Variants in CTNNA3 observed in about 807,000 individuals in gnomAD.
The protein encoded by CTNNA3 is catenin alpha-3.
CTNNA3 carries 76 observed loss-of-function variants against 95.7 expected under a neutral mutation model. That is an observed-to-expected ratio of 0.79 (90% CI 0.66 to 0.96). The LOEUF (loss-of-function observed/expected upper bound fraction) is 0.96, where lower values mean the gene tolerates loss of function less well. CTNNA3 is among the 40% of genes least tolerant of loss of function. The probability of loss-of-function intolerance (pLI) is 0.00; values close to 1 mark genes in which losing one functional copy is unlikely to be tolerated. For synonymous variants in CTNNA3, 431 were observed against 374.4 expected, an observed-to-expected ratio of 1.15 and a Z score of -1.74; for missense variants, 1,191 against 1,089.8, an observed-to-expected ratio of 1.09 and a Z score of -1.31.
intron 1 of CTNNA3, among the ~76,000 whole-genome samples, chr10:67,693,039 G>A (rs777660447): frequency 6.6e-6 from 1 of 152,190 alleles, no homozygotes; most frequent in Non-Finnish European, 1.5e-5. Flanking sequence ...GAGGTGGGGA[G>A]GGTGCCAAAT....
chr10:67,577,481 G>A (rs1273203386), intron 3 of CTNNA3, among the ~76,000 whole-genome samples: 1 of 152,062 alleles, frequency 6.6e-6, no homozygotes, highest in Non-Finnish European at 1.5e-5. Flanking sequence ...TAGGTTGCCT[G>A]TTCACTCTGA....
intron 12 of CTNNA3, among the ~76,000 whole-genome samples, chr10:66,361,577 T>G (rs895335647): frequency 6.6e-6 from 1 of 151,058 alleles, no homozygotes; most frequent in African/African-American, 2.4e-5. Flanking sequence ...TTGTTCTGTC[T>G]CCCTGGCTGG....
chr10:66,120,045 C>T lies in CTNNA3; in HGVS notation c.1885-16796G>A, dbSNP rs143790400. Among the ~76,000 whole-genome samples the T allele has an allele frequency of 2.1e-3, 326 of 152,242 alleles. 1 individual carries two copies. The highest frequency in any genetic ancestry group is 3.5e-3 in the Non-Finnish European group (236 of 67,994). The stretch of plus-strand genomic sequence containing the variant: ...CTATGTAAGGCACACTTTTCATTCT[C>T]GTGTGAAACTAGTTTTATAACTCAG... On this transcript the variant is annotated intron_variant, in intron 13 of 17. Transcript: ENST00000433211.
intron 3 of CTNNA3, among the ~76,000 whole-genome samples, chr10:67,551,642 T>A (rs1187022844): frequency 6.6e-6 from 1 of 152,208 alleles, no homozygotes; most frequent in Non-Finnish European, 1.5e-5. Flanking sequence ...CTAGACACTG[T>A]TGTGGGGTTG....
rs966329198 is a variant in CTNNA3 at position 66,939,217 on chromosome 10, C to A, written c.1048-163693G>T. ...TGATCATGCAGAAGGCATGTTAGAT[C>A]ATACAGAACTGAAGCATCTTCCCTT... On this transcript the variant is annotated intron_variant, in intron 7 of 17. Coordinates refer to ENST00000433211, the MANE Select transcript of CTNNA3 (RefSeq NM_013266.4). Among the ~76,000 whole-genome samples, 20 of 152,178 alleles carry A rather than the reference C, an allele frequency of 1.3e-4. 1 individual carries two copies. The highest frequency in any genetic ancestry group is 1.5e-5 in the Non-Finnish European group (1 of 68,018).
intron 8 of CTNNA3, among the ~76,000 whole-genome samples, chr10:66,772,118 C>A (rs1348583474): frequency 3.3e-5 from 5 of 152,068 alleles, no homozygotes; most frequent in Admixed American, 6.6e-5. Context: ...CAAGTAGATT[C>A]TTTCATCAGA....
chr10:66,977,383 C>T (rs1385636186), intron 7 of CTNNA3, among the ~76,000 whole-genome samples: 1 of 151,596 alleles, frequency 6.6e-6, no homozygotes, highest in African/African-American at 2.4e-5. Flanking sequence ...TTGCAGTGAG[C>T]CAAGATCACG....
intron 15 of CTNNA3, among the ~76,000 whole-genome samples, chr10:66,051,334 G>C (rs543253951): frequency 6.6e-6 from 1 of 152,188 alleles, no homozygotes; most frequent in Non-Finnish European, 1.5e-5. Context: ...ATGAATGAAT[G>C]AGCACATGAA....
At chr10:66,137,438 G>A (rs903838316) in intron 13 of CTNNA3, among the ~76,000 whole-genome samples, 2 of 151,998 alleles carry the variant, frequency 1.3e-5, no homozygotes, top group African/African-American at 4.8e-5. Context: ...AAACCAAGAG[G>A]CATGACAAGA....
Position 66,340,105 on chromosome 10 carries a change from G to C in CTNNA3, c.1732+39047C>G, listed in dbSNP as rs560186954. 1.1e-3 allele frequency among the ~76,000 whole-genome samples: 169 copies of C among 151,876 alleles called. 2 individuals carry two copies. The South Asian group carries it at 0.017, about 15-fold the overall frequency. ...AGGGTTATATTTGTGGGTCTTGGTTGACACTTAGAGCTTGCCTAAATTGTC... is the reference window on the plus strand; with the variant it reads ...AGGGTTATATTTGTGGGTCTTGGTTCACACTTAGAGCTTGCCTAAATTGTC... On this transcript the variant is annotated intron_variant, in intron 12 of 17. Transcript: ENST00000433211.
intron 1 of CTNNA3, among the ~76,000 whole-genome samples, chr10:67,760,250 T>C (rs894361268): frequency 6.6e-6 from 1 of 152,188 alleles, no homozygotes; most frequent in Non-Finnish European, 1.5e-5. Flanking sequence ...ACATTCGTTA[T>C]CTGACATATG....
At chr10:67,207,668 C>G (rs1213398533) in intron 6 of CTNNA3, among the ~76,000 whole-genome samples, 2 of 152,166 alleles carry the variant, frequency 1.3e-5, no homozygotes, top group Non-Finnish European at 2.9e-5. Context: ...ATGTTGCCCT[C>G]CCTCCAGTAT....
At chr10:66,121,582 G>T (rs895200363) in intron 13 of CTNNA3, among the ~76,000 whole-genome samples, 1 of 152,118 alleles carries the variant, frequency 6.6e-6, no homozygotes, top group Non-Finnish European at 1.5e-5. Context: ...AGGTGCAGTG[G>T]TTCATGCCTG....
intron 3 of CTNNA3, among the ~76,000 whole-genome samples, chr10:67,560,306 A>C (rs1589426347): frequency 6.6e-6 from 1 of 151,002 alleles, no homozygotes; most frequent in East Asian, 1.9e-4. Flanking sequence ...AAACTCTACA[A>C]ACCAGAAGAG....
chr10:67,222,438 G>C (rs528051882), intron 5 of CTNNA3, among the ~76,000 whole-genome samples: 1 of 152,106 alleles, frequency 6.6e-6, no homozygotes, highest in African/African-American at 2.4e-5. Flanking sequence ...TACTTCTGCC[G>C]ACCCTCTCAC....
intron 13 of CTNNA3, among the ~76,000 whole-genome samples, chr10:66,221,676 C>T (rs187068260): frequency 6.6e-6 from 1 of 152,258 alleles, no homozygotes; most frequent in Non-Finnish European, 1.5e-5. Context: ...TTCCATTTAA[C>T]AATGACAAGA....
chr10:67,674,526 G>T (rs1219943864), intron 1 of CTNNA3, among the ~76,000 whole-genome samples: 1 of 152,108 alleles, frequency 6.6e-6, no homozygotes, highest in East Asian at 1.9e-4. Flanking sequence ...AATAAGTATT[G>T]TCAAATTGGT....
chr10:67,010,791 A>G (rs1852275628), intron 7 of CTNNA3, among the ~76,000 whole-genome samples: 2 of 152,204 alleles, frequency 1.3e-5, no homozygotes, highest in Admixed American at 6.5e-5. Context: ...AAAGGATTTG[A>G]GCATATCCAT....
chr10:67,331,525 G>A (rs764805963), intron 5 of CTNNA3, among the ~76,000 whole-genome samples: 1 of 151,830 alleles, frequency 6.6e-6, no homozygotes, highest in Non-Finnish European at 1.5e-5. Context: ...ACTGGGGGAG[G>A]GCCGGGGGAG....
Sources: gnomAD v4.1 joint callset for allele counts (sites outside exome capture counted in the v4.1 genomes callset) on GRCh38, gnomAD v4.1.1 for gene constraint, MANE v1.5 for transcripts, NCBI Gene and HGNC (gene_info 2026-07-23, HGNC 2026-07-21) for gene names.